WWOX: variants seen among roughly 807,000 people sequenced by gnomAD.
WWOX encodes WW domain containing oxidoreductase.
In WWOX, 69 loss-of-function variants were observed where a neutral mutation model predicts 46.2. The observed-to-expected ratio is 1.49, with a 90% CI of 1.23 to 1.82. WWOX has a LOEUF of 1.82. Among genes scored for constraint, WWOX ranks in the 40% most tolerant of loss-of-function variants. The probability of loss-of-function intolerance (pLI) is 0.00; values close to 1 mark genes in which losing one functional copy is unlikely to be tolerated. For synonymous variants in WWOX, 359 were observed against 202.6 expected (o/e 1.77, Z -6.56); for missense variants, 919 against 542.6 (o/e 1.69, Z -6.89).
intron 5 of WWOX, among the ~76,000 whole-genome samples, chr16:78,171,391 C>G (rs1461118442): frequency 6.6e-6 from 1 of 152,154 alleles, no homozygotes; most frequent in African/African-American, 2.4e-5. Context: ...TCCATGCAAT[C>G]TCCTTTGACA....
At chr16:78,385,711 G>C (rs1274216118) in intron 5 of WWOX, among the ~76,000 whole-genome samples, 2 of 152,148 alleles carry the variant, frequency 1.3e-5, no homozygotes, top group Non-Finnish European at 2.9e-5. Context: ...CCCCTTCATA[G>C]CCTTACAGGT....
chr16:78,330,828 ACTTCCTC>A (rs1229489335), intron 5 of WWOX, among the ~76,000 whole-genome samples: 1 of 152,212 alleles, frequency 6.6e-6, no homozygotes, highest in Non-Finnish European at 1.5e-5. Flanking sequence ...GTACTTTCAA[ACTTCCTC>A]CTGGAAACAG....
intron 8 of WWOX, among the ~76,000 whole-genome samples, chr16:78,678,784 C>G (rs2047662211): frequency 6.6e-6 from 1 of 152,112 alleles, no homozygotes; most frequent in African/African-American, 2.4e-5. Context: ...TGTGCGTGGC[C>G]TGGGGTTAAG....
intron 8 of WWOX, among the ~76,000 whole-genome samples, chr16:79,005,537 G>T (rs950544415): frequency 1.3e-5 from 2 of 152,138 alleles, no homozygotes; most frequent in Non-Finnish European, 2.9e-5. Flanking sequence ...CGTCCTCTTT[G>T]CCTCTTCCCG....
chr16:78,582,273 A>G (rs551271372), intron 8 of WWOX, among the ~76,000 whole-genome samples: 1 of 152,168 alleles, frequency 6.6e-6, no homozygotes, highest in Admixed American at 6.5e-5. Context: ...TATACTTTTG[A>G]TAGCAATTGC....
At chr16:79,177,157 C>A (rs2050816350) in intron 8 of WWOX, among the ~76,000 whole-genome samples, 1 of 152,164 alleles carries the variant, frequency 6.6e-6, no homozygotes, top group Admixed American at 6.5e-5. Context: ...GCCTCCGGTT[C>A]CCCTTTTGCT....
intron 8 of WWOX, among the ~76,000 whole-genome samples, chr16:78,985,300 A>C (rs1210694958): frequency 1.3e-5 from 2 of 152,198 alleles, no homozygotes; most frequent in Admixed American, 1.3e-4. Flanking sequence ...GAATAGAGGA[A>C]GCAGTTCAGC....
intron 4 of WWOX, among the ~76,000 whole-genome samples, chr16:78,153,658 C>G (rs1302051640): frequency 2.0e-5 from 3 of 152,036 alleles, no homozygotes; most frequent in African/African-American, 7.2e-5. Flanking sequence ...TAATTGTGCC[C>G]AGTTACAAGT....
chr16:78,867,360 A>G (rs1347852838), intron 8 of WWOX, among the ~76,000 whole-genome samples: 2 of 152,182 alleles, frequency 1.3e-5, no homozygotes, highest in East Asian at 3.8e-4. Context: ...TTCCAGAAAT[A>G]AATGGGAACT....
At chr16:78,380,749 A>G (rs1159968473) in intron 5 of WWOX, among the ~76,000 whole-genome samples, 3 of 152,110 alleles carry the variant, frequency 2.0e-5, no homozygotes, top group Non-Finnish European at 4.4e-5. Context: ...CTCCCACTTC[A>G]CAGAGGAGCA....
intron 8 of WWOX, among the ~76,000 whole-genome samples, chr16:79,031,436 G>A (rs1345817566): frequency 6.6e-6 from 1 of 151,384 alleles, no homozygotes; most frequent in African/African-American, 2.4e-5. Flanking sequence ...ATCTTCAAGT[G>A]GGCTGAAGAA....
intron 5 of WWOX, among the ~76,000 whole-genome samples, chr16:78,335,224 A>T (rs1325515887): frequency 2.0e-5 from 3 of 152,188 alleles, no homozygotes; most frequent in African/African-American, 7.2e-5. Context: ...GCAGAGATCA[A>T]CTTATCACCT....
At chr16:78,387,811 G>C (rs2082092147) in intron 6 of WWOX, among the ~76,000 whole-genome samples, 1 of 152,022 alleles carries the variant, frequency 6.6e-6, no homozygotes, top group Admixed American at 6.6e-5. Flanking sequence ...ATTCAAACAT[G>C]AGGATTAAGT....
At chr16:78,801,895 G>A (rs540169708) in intron 8 of WWOX, among the ~76,000 whole-genome samples, 42 of 152,100 alleles carry the variant, frequency 2.8e-4, no homozygotes, top group Non-Finnish European at 5.1e-4. Context: ...AAATTAACTG[G>A]TTTTGTGATT....
chr16:78,958,941 G>T (rs2046221865), intron 8 of WWOX, among the ~76,000 whole-genome samples: 1 of 152,192 alleles, frequency 6.6e-6, no homozygotes, highest in Non-Finnish European at 1.5e-5. Context: ...TAAAAAATAA[G>T]AGTTCTGGGT....
intron 8 of WWOX, among the ~76,000 whole-genome samples, chr16:78,590,734 G>A (rs1298424906): frequency 1.3e-5 from 2 of 152,180 alleles, no homozygotes; most frequent in Admixed American, 1.3e-4. Flanking sequence ...GGAGTTGCAA[G>A]GTCGGGTAGA....
At chr16:79,012,276 A>G (rs2047326222) in intron 8 of WWOX, among the ~76,000 whole-genome samples, 1 of 152,026 alleles carries the variant, frequency 6.6e-6, no homozygotes, top group Non-Finnish European at 1.5e-5. Context: ...TCTGTCACCT[A>G]GGCTAGAGTG....
chr16:78,963,204 C>A (rs778109125), intron 8 of WWOX, among the ~76,000 whole-genome samples: 1 of 152,270 alleles, frequency 6.6e-6, no homozygotes, highest in East Asian at 1.9e-4. Context: ...TGCAGTGGCT[C>A]ACACCTGTAA....
At chr16:79,187,303 A>G (rs1077864) in intron 8 of WWOX, among the ~76,000 whole-genome samples, 10,601 of 152,262 alleles carry the variant, frequency 0.07, 504 homozygotes, top group South Asian at 0.079. Context: ...TAGAAAGAAT[A>G]TCGTGGTGCC....
Sources: allele counts gnomAD v4.1 joint callset (sites outside exome capture counted in the v4.1 genomes callset), GRCh38; gene constraint gnomAD v4.1.1; transcripts MANE v1.5; gene names NCBI Gene and HGNC (gene_info 2026-07-23, HGNC 2026-07-21).